The following ZNF704 variants were observed in gnomAD, a reference collection of about 807,000 sequenced individuals.
ZNF704 encodes zinc finger protein 704.
A neutral mutation model predicts 44.7 loss-of-function variants in ZNF704; 10 were observed. The observed-to-expected ratio is 0.22, with a 90% CI of 0.14 to 0.38. The LOEUF (loss-of-function observed/expected upper bound fraction) is 0.38. Ranked by LOEUF, ZNF704 falls within the 10% of genes least tolerant of loss-of-function variation. The pLI, the probability that ZNF704 is intolerant of heterozygous loss-of-function variation, is 1.00. For synonymous variants in ZNF704, 211 were observed against 207.6 expected (o/e 1.02, Z -0.14); for missense variants, 390 against 545.5 (o/e 0.71, Z 2.84).
intron 1 of ZNF704, among the ~76,000 whole-genome samples, chr8:80,870,221 T>C (rs1462309700): frequency 2.0e-5 from 3 of 152,208 alleles, no homozygotes; most frequent in Non-Finnish European, 4.4e-5. Context: ...TACACTACAA[T>C]AGAAAACTAA....
intron 2 of ZNF704, among the ~76,000 whole-genome samples, chr8:80,738,614 T>C: frequency 6.6e-6 from 1 of 151,998 alleles, no homozygotes; most frequent in East Asian, 1.9e-4. Context: ...TTTGCACTGA[T>C]AAGAACCTAC....
intron 2 of ZNF704, among the ~76,000 whole-genome samples, chr8:80,802,236 A>C (rs1221143036): frequency 1.3e-5 from 2 of 151,308 alleles, no homozygotes; most frequent in Admixed American, 6.6e-5. Context: ...ACGGTTTCAC[A>C]GATGAATTCT....
chr8:80,668,610 T>C (rs1585937510), intron 5 of ZNF704, among the ~76,000 whole-genome samples: 1 of 152,178 alleles, frequency 6.6e-6, no homozygotes, highest in South Asian at 2.1e-4. Flanking sequence ...TGGGGGACAC[T>C]GCGTGTCCCA....
chr8:80,793,523 T>C lies in ZNF704; in HGVS notation c.221+27851A>G, dbSNP rs187767387. On this transcript the variant is annotated intron_variant, in intron 2 of 8. Transcript: ENST00000327835. ...AAAAAGTTCAAAACATCATGTACCA[T>C]GTAAGCCCATTATTTAGAAAAGTAA... 2.3e-3 allele frequency among the ~76,000 whole-genome samples: 346 copies of C among 152,188 alleles called. 8 individuals carry two copies. Among genetic ancestry groups the C allele is most frequent in the African/African-American group, 8.2e-3 (342 of 41,534 alleles).
intron 1 of ZNF704, among the ~76,000 whole-genome samples, chr8:80,847,483 G>C (rs1024223576): frequency 2.0e-5 from 3 of 152,084 alleles, no homozygotes; most frequent in Non-Finnish European, 4.4e-5. Flanking sequence ...GTTCTAAAAT[G>C]CATATGGAAA....
At chr8:80,700,274 GCCAA>G (rs1327339052) in intron 2 of ZNF704, among the ~76,000 whole-genome samples, 1 of 152,124 alleles carries the variant, frequency 6.6e-6, no homozygotes, top group Non-Finnish European at 1.5e-5. Flanking sequence ...ACCACCCCCA[GCCAA>G]CATTCAGCAG....
intron 2 of ZNF704, among the ~76,000 whole-genome samples, chr8:80,757,596 A>G (rs887776663): frequency 1.2e-4 from 19 of 152,266 alleles, no homozygotes; most frequent in Admixed American, 1.3e-4. Context: ...AGTGTACAAT[A>G]AGGTCCTAGC....
rs1232310766 is a variant in ZNF704, at chr8:80,637,069, C to A, written c.*4297G>T. ...CCACCCCGTCCCCCTCCCCCACCCC[C>A]AGGCATTGCACCTGTGGTTCAAATG... On this transcript the variant is annotated 3_prime_UTR_variant, in exon 9 of 9. Coordinates refer to ENST00000327835, the MANE Select transcript of ZNF704 (RefSeq NM_001033723.3). 3 of 151,150 alleles carry A rather than the reference C, an allele frequency of 2.0e-5. No individual in the cohort carries two copies. Among genetic ancestry groups the A allele is most frequent in the Non-Finnish European group, 4.4e-5 (3 of 67,876 alleles). The allele number at this position is 151,150 out of a possible 1,614,324, so 9.4% of individuals were successfully genotyped here. A position where few individuals can be genotyped will look rare whatever the true frequency, so the allele number is the denominator to read the frequency against.
intron 2 of ZNF704, among the ~76,000 whole-genome samples, chr8:80,765,690 T>C (rs1218417179): frequency 2.0e-5 from 3 of 152,214 alleles, no homozygotes; most frequent in African/African-American, 4.8e-5. Context: ...TTAGGGATTT[T>C]ACAGTTTAGG....
intron 2 of ZNF704, among the ~76,000 whole-genome samples, chr8:80,755,085 T>G (rs1807012004): frequency 1.3e-5 from 2 of 152,214 alleles, no homozygotes; most frequent in African/African-American, 4.8e-5. Flanking sequence ...ACAGTGTCCC[T>G]TCCCACCATG....
At chr8:80,862,020 T>C (rs1809070884) in intron 1 of ZNF704, among the ~76,000 whole-genome samples, 1 of 134,004 alleles carries the variant, frequency 7.5e-6, no homozygotes, top group Admixed American at 7.5e-5. Flanking sequence ...TTTTTTTTTT[T>C]GAGATAGAGT....
intron 1 of ZNF704, among the ~76,000 whole-genome samples, chr8:80,853,243 G>A (rs1390403845): frequency 1.3e-5 from 2 of 152,174 alleles, no homozygotes; most frequent in Non-Finnish European, 2.9e-5. Flanking sequence ...GTGTGTTCCT[G>A]TAATCCCACT....
intron 3 of ZNF704, among the ~76,000 whole-genome samples, chr8:80,688,958 CAAAA>C (rs57878370): frequency 0.12 from 8,760 of 71,316 alleles, 799 homozygotes; most frequent in African/African-American, 0.32. Flanking sequence ...GACTCTGTCT[CAAAA>C]AAAAAAAAAA....
At chr8:80,805,833 A>T (rs1202926977) in intron 2 of ZNF704, among the ~76,000 whole-genome samples, 1 of 139,296 alleles carries the variant, frequency 7.2e-6, no homozygotes, top group Non-Finnish European at 1.5e-5. Context: ...TCACCCTAGG[A>T]TTCTCACTTG....
chr8:80,872,782 G>A (rs1434783612), intron 1 of ZNF704, among the ~76,000 whole-genome samples: 1 of 152,096 alleles, frequency 6.6e-6, no homozygotes, highest in Non-Finnish European at 1.5e-5. Context: ...AGGGGACTTC[G>A]CTAGAATTCT....
intron 2 of ZNF704, among the ~76,000 whole-genome samples, chr8:80,775,744 T>A (rs1044993502): frequency 6.6e-6 from 1 of 152,188 alleles, no homozygotes; most frequent in Non-Finnish European, 1.5e-5. Context: ...AATACAGTTG[T>A]TTGAATACTT....
At chr8:80,795,044 G>A (rs1459483618) in intron 2 of ZNF704, among the ~76,000 whole-genome samples, 4 of 152,250 alleles carry the variant, frequency 2.6e-5, no homozygotes, top group African/African-American at 9.6e-5. Context: ...TGAGATGAGC[G>A]ACAGATTTTA....
At chr8:80,725,580 G>A (rs78040469) in intron 2 of ZNF704, among the ~76,000 whole-genome samples, 3,489 of 152,216 alleles carry the variant, frequency 0.023, 135 homozygotes, top group African/African-American at 0.079. Flanking sequence ...AGACGATGCT[G>A]GAAAAGTAAT....
At chr8:80,672,116 C>T (rs2131616744) in intron 4 of ZNF704, among the ~76,000 whole-genome samples, 1 of 152,110 alleles carries the variant, frequency 6.6e-6, no homozygotes, top group Non-Finnish European at 1.5e-5. Context: ...AGGACATGAA[C>T]AGACATTTCT....
Sources: gnomAD v4.1 joint callset for allele counts (sites outside exome capture counted in the v4.1 genomes callset) on GRCh38, gnomAD v4.1.1 for gene constraint, MANE v1.5 for transcripts, NCBI Gene and HGNC (gene_info 2026-07-23, HGNC 2026-07-21) for gene names.